NELL1: variants seen among roughly 807,000 people sequenced by gnomAD.
NELL1 encodes the protein neural EGFL like 1.
A neutral mutation model predicts 107.4 loss-of-function variants in NELL1; 76 were observed. The ratio of observed to expected loss-of-function variants is 0.71; its 90% CI spans 0.59 to 0.86. The LOEUF (loss-of-function observed/expected upper bound fraction) is 0.86, where lower values mean the gene tolerates loss of function less well. Among genes scored for constraint, NELL1 ranks in the 40% least tolerant of loss-of-function variants. NELL1 has a pLI of 0.00. For synonymous variants in NELL1, 353 were observed against 341.2 expected (o/e 1.03, Z -0.38); for missense variants, 1,024 against 1,005.5 (o/e 1.02, Z -0.25).
At chr11:21,567,317 G>A (rs1856993635) in intron 17 of NELL1, among the ~76,000 whole-genome samples, 1 of 151,792 alleles carries the variant, frequency 6.6e-6, no homozygotes, top group Admixed American at 6.6e-5. Flanking sequence ...TAAAATAATG[G>A]TATATGAGCT....
At chr11:21,559,436 G>T (rs186578251) in intron 16 of NELL1, among the ~76,000 whole-genome samples, 9 of 152,164 alleles carry the variant, frequency 5.9e-5, no homozygotes, top group African/African-American at 2.2e-4. Flanking sequence ...TGTTAAGGTC[G>T]CTCAAGCTTT....
intron 11 of NELL1, among the ~76,000 whole-genome samples, chr11:20,959,547 C>A (rs1851247206): frequency 6.6e-6 from 1 of 152,118 alleles, no homozygotes; most frequent in Admixed American, 6.6e-5. Flanking sequence ...GACTATTACT[C>A]TCAGTGAAGT....
chr11:21,126,715 C>A (rs980341208), intron 13 of NELL1, among the ~76,000 whole-genome samples: 2 of 152,174 alleles, frequency 1.3e-5, no homozygotes, highest in African/African-American at 4.8e-5. Context: ...AATAACAGGG[C>A]ACCTTAAGAT....
At chr11:21,204,240 G>T (rs762054419) in intron 13 of NELL1, among the ~76,000 whole-genome samples, 1 of 152,138 alleles carries the variant, frequency 6.6e-6, no homozygotes, top group African/African-American at 2.4e-5. Flanking sequence ...TCACTTTCAG[G>T]TACACCAATC....
intron 14 of NELL1, among the ~76,000 whole-genome samples, chr11:21,362,152 C>T (rs536200478): frequency 4.5e-4 from 68 of 152,202 alleles, no homozygotes; most frequent in African/African-American, 1.6e-3. Flanking sequence ...AAACTCAAGG[C>T]CTGCTGTTCA....
intron 1 of NELL1, among the ~76,000 whole-genome samples, chr11:20,670,875 T>C (rs1007702308): frequency 1.4e-4 from 22 of 152,156 alleles, no homozygotes; most frequent in African/African-American, 4.8e-4. Flanking sequence ...GGCGTGGCCT[T>C]CTCTCTAGGC....
rs577703967 is a variant in NELL1, at chr11:21,090,471, A to G, written c.1301-23118A>G. ...AAGCATTTATGTTCATGGTGTGGCCATGTATTTCTAACAAGCAGCAGTGAA... is the reference window on the plus strand; with the variant it reads ...AAGCATTTATGTTCATGGTGTGGCCGTGTATTTCTAACAAGCAGCAGTGAA... On this transcript the variant is annotated intron_variant, in intron 12 of 19. Coordinates refer to ENST00000357134, the MANE Select transcript of NELL1 (RefSeq NM_006157.5). Among the ~76,000 whole-genome samples, 274 of 152,226 alleles carry G rather than the reference A, an allele frequency of 1.8e-3. 1 individual carries two copies. The highest frequency in any genetic ancestry group is 6.2e-3 in the African/African-American group (258 of 41,552).
At chr11:21,255,106 G>A (rs1236945977) in intron 14 of NELL1, among the ~76,000 whole-genome samples, 1 of 152,070 alleles carries the variant, frequency 6.6e-6, no homozygotes, top group East Asian at 1.9e-4. Flanking sequence ...CTTTAATGGA[G>A]CCAAGTGAGA....
intron 17 of NELL1, among the ~76,000 whole-genome samples, chr11:21,567,935 G>C (rs912210730): frequency 7.2e-5 from 11 of 151,868 alleles, no homozygotes; most frequent in East Asian, 5.9e-4. Context: ...ATGAGATAAG[G>C]CTTAATGAGG....
chr11:21,163,713 T>C (rs1281832971), intron 13 of NELL1, among the ~76,000 whole-genome samples: 1 of 152,176 alleles, frequency 6.6e-6, no homozygotes, highest in Non-Finnish European at 1.5e-5. Flanking sequence ...GAGGGTTCTC[T>C]TCTTGGCCTG....
At chr11:20,990,477 A>G (rs1851948804) in intron 12 of NELL1, among the ~76,000 whole-genome samples, 1 of 152,146 alleles carries the variant, frequency 6.6e-6, no homozygotes, top group Admixed American at 6.5e-5. Flanking sequence ...GTACCAAGAG[A>G]TTATTCTGCT....
intron 14 of NELL1, among the ~76,000 whole-genome samples, chr11:21,256,303 C>T (rs937387305): frequency 3.9e-5 from 6 of 152,020 alleles, no homozygotes; most frequent in Non-Finnish European, 7.4e-5. Flanking sequence ...ATTGGGGCAA[C>T]TTGACTTGAG....
intron 14 of NELL1, among the ~76,000 whole-genome samples, chr11:21,255,071 G>T (rs1331872766): frequency 6.6e-6 from 1 of 152,082 alleles, no homozygotes; most frequent in Admixed American, 6.6e-5. Context: ...AAAGAGACTA[G>T]GTGTCCCATG....
At chr11:20,804,577 T>C (rs571216203) in intron 3 of NELL1, among the ~76,000 whole-genome samples, 6 of 152,370 alleles carry the variant, frequency 3.9e-5, no homozygotes, top group African/African-American at 1.2e-4. Context: ...AATTTCCATG[T>C]GTTTGTATAG....
At chr11:20,996,316 G>A (rs1590516999) in intron 12 of NELL1, among the ~76,000 whole-genome samples, 1 of 152,178 alleles carries the variant, frequency 6.6e-6, no homozygotes, top group South Asian at 2.1e-4. Flanking sequence ...GAGGACTGGA[G>A]TGACTGATGT....
At chr11:21,182,440 G>GAAAA (rs201319322) in intron 13 of NELL1, among the ~76,000 whole-genome samples, 1 of 111,722 alleles carries the variant, frequency 9.0e-6, no homozygotes, top group Non-Finnish European at 1.9e-5. Flanking sequence ...GTCTCAAAAA[G>GAAAA]AAAAAAAAAA....
intron 15 of NELL1, among the ~76,000 whole-genome samples, chr11:21,394,000 C>A (rs1259115513): frequency 6.6e-6 from 1 of 151,554 alleles, no homozygotes; most frequent in South Asian, 2.1e-4. Context: ...GTAGAGCAGA[C>A]TGGATGAAGT....
chr11:20,775,938 G>A (rs915367437), intron 2 of NELL1, among the ~76,000 whole-genome samples: 1 of 152,180 alleles, frequency 6.6e-6, no homozygotes, highest in Admixed American at 6.5e-5. Flanking sequence ...TTACTTGAAT[G>A]TACTTTTTCT....
intron 16 of NELL1, among the ~76,000 whole-genome samples, chr11:21,540,944 A>T (rs999107558): frequency 2.0e-5 from 3 of 152,144 alleles, no homozygotes. Context: ...TTCTTCTAAT[A>T]ATAAGAATAA....
Sources: allele counts gnomAD v4.1 joint callset (sites outside exome capture counted in the v4.1 genomes callset), GRCh38; gene constraint gnomAD v4.1.1; transcripts MANE v1.5; gene names NCBI Gene and HGNC (gene_info 2026-07-23, HGNC 2026-07-21).